The following TAOK3 variants were observed in gnomAD, a reference collection of about 807,000 sequenced individuals.
TAOK3 encodes the protein TAO kinase 3.
Under a neutral mutation model 120.4 loss-of-function variants are expected in TAOK3, and 40 were observed. The observed-to-expected ratio is 0.33, with a 90% CI of 0.26 to 0.43. The LOEUF (loss-of-function observed/expected upper bound fraction) is 0.43, where lower values mean the gene tolerates loss of function less well. TAOK3 is among the 20% of genes least tolerant of loss of function. The pLI is 1.00. For missense variants in TAOK3, 821 were observed against 1,112.1 expected (o/e 0.74, Z 3.72); for synonymous variants, 355 against 387.5 (o/e 0.92, Z 0.99).
intron 1 of TAOK3, among the ~76,000 whole-genome samples, chr12:118,281,466 G>A (rs1240841828): frequency 6.6e-6 from 1 of 152,146 alleles, no homozygotes; most frequent in Non-Finnish European, 1.5e-5. Context: ...AAGGAAACTA[G>A]TTATACTGAA....
intron 14 of TAOK3, among the ~76,000 whole-genome samples, chr12:118,185,826 GT>G (rs1369252338): frequency 6.6e-6 from 1 of 152,116 alleles, no homozygotes; most frequent in Non-Finnish European, 1.5e-5. Context: ...GACCATATGG[GT>G]TGGGCATGTA....
At chr12:118,344,788 T>C (rs1593633238) in intron 1 of TAOK3, among the ~76,000 whole-genome samples, 1 of 152,200 alleles carries the variant, frequency 6.6e-6, no homozygotes, top group East Asian at 1.9e-4. Flanking sequence ...TAATAGTACT[T>C]TATTTTCTGA....
intron 1 of TAOK3, among the ~76,000 whole-genome samples, chr12:118,315,323 T>C (rs1006994197): frequency 1.3e-5 from 2 of 152,246 alleles, no homozygotes; most frequent in Non-Finnish European, 2.9e-5. Flanking sequence ...TGCCATGTTG[T>C]AGTTTAAATC....
chr12:118,239,559 C>A (rs971408058), intron 5 of TAOK3, among the ~76,000 whole-genome samples: 14 of 152,208 alleles, frequency 9.2e-5, no homozygotes, highest in Admixed American at 2.0e-4. Flanking sequence ...TATTTATTAA[C>A]TCCTTCACTA....
chr12:118,355,457 A>G (rs1234598136), intron 1 of TAOK3, among the ~76,000 whole-genome samples: 1 of 152,246 alleles, frequency 6.6e-6, no homozygotes, highest in African/African-American at 2.4e-5. Context: ...GAAATTTGTC[A>G]GATTATATAA....
intron 3 of TAOK3, among the ~76,000 whole-genome samples, chr12:118,247,343 G>C (rs1220636776): frequency 6.6e-6 from 1 of 151,910 alleles, no homozygotes; most frequent in African/African-American, 2.4e-5. Context: ...TTTATCTATA[G>C]AGGTTGCCTT....
intron 19 of TAOK3, among the ~76,000 whole-genome samples, chr12:118,156,940 A>C (rs1353862247): frequency 6.6e-6 from 1 of 152,002 alleles, no homozygotes; most frequent in Non-Finnish European, 1.5e-5. Context: ...GGGTTTTACC[A>C]CACTGGCCAG....
chr12:118,154,455 G>T (rs1288626415), intron 19 of TAOK3, among the ~76,000 whole-genome samples: 2 of 151,984 alleles, frequency 1.3e-5, no homozygotes, highest in East Asian at 1.9e-4. Flanking sequence ...TTTTTTCGTG[G>T]TTTTTGAGAC....
At chr12:118,288,743 C>T (rs1402733151) in intron 1 of TAOK3, among the ~76,000 whole-genome samples, 3 of 151,614 alleles carry the variant, frequency 2.0e-5, no homozygotes, top group Non-Finnish European at 4.4e-5. Context: ...CAGTGAAACC[C>T]TGTCTCTACT....
At chr12:118,151,288 C>T (rs893085678) in intron 20 of TAOK3, 130 bp from the exon 21 acceptor site, 16 of 122,722 alleles carry the variant, frequency 1.3e-4, no homozygotes, top group African/African-American at 6.1e-4. Flanking sequence ...TGCGCGCGCG[C>T]GCACACACAC....
chr12:118,311,475 AAAAG>A (rs1197283322), intron 1 of TAOK3, among the ~76,000 whole-genome samples: 1 of 152,184 alleles, frequency 6.6e-6, no homozygotes, highest in Non-Finnish European at 1.5e-5. Flanking sequence ...AAAAAGAAAA[AAAAG>A]AAAGAGCTCA....
chr12:118,315,579 A>G (rs2043427162), intron 1 of TAOK3, among the ~76,000 whole-genome samples: 1 of 152,192 alleles, frequency 6.6e-6, no homozygotes, highest in Admixed American at 6.5e-5. Context: ...AGAAGTACAA[A>G]GGAGACTCCA....
At chr12:118,214,723 G>A (rs922915175) in intron 9 of TAOK3, among the ~76,000 whole-genome samples, 2 of 148,782 alleles carry the variant, frequency 1.3e-5, no homozygotes, top group Admixed American at 6.8e-5. Flanking sequence ...GCCTGACATC[G>A]TGCATGGCTA....
chr12:118,340,223 T>C (rs1250111268), intron 1 of TAOK3, among the ~76,000 whole-genome samples: 1 of 152,228 alleles, frequency 6.6e-6, no homozygotes, highest in Non-Finnish European at 1.5e-5. Context: ...CAGTTGAATG[T>C]TAACTATAAT....
chr12:118,169,209 T>C (rs1406012873), intron 17 of TAOK3, among the ~76,000 whole-genome samples: 2 of 150,824 alleles, frequency 1.3e-5, no homozygotes, highest in African/African-American at 4.9e-5. Flanking sequence ...AGACAGAGTT[T>C]CACCATGTTG....
chr12:118,273,976 TCTTAA>T (rs374513386), intron 1 of TAOK3, among the ~76,000 whole-genome samples: 136 of 152,256 alleles, frequency 8.9e-4, no homozygotes, highest in African/African-American at 3.1e-3. Flanking sequence ...GCAGGTAAAA[TCTTAA>T]CTTTACAGCA....
At chr12:118,232,193 TTTGTTA>T (rs1325922565) in intron 9 of TAOK3, among the ~76,000 whole-genome samples, 1 of 152,182 alleles carries the variant, frequency 6.6e-6, no homozygotes, top group Non-Finnish European at 1.5e-5. Context: ...AAGAGATTGA[TTTGTTA>T]AATTTACCAG....
chr12:118,209,515 C>A (rs979020294), intron 11 of TAOK3, among the ~76,000 whole-genome samples: 1 of 152,140 alleles, frequency 6.6e-6, no homozygotes, highest in African/African-American at 2.4e-5. Flanking sequence ...TCTCCTGCCT[C>A]AGCCACTCGA....
At chr12:118,286,712 G>C (rs1427976725) in intron 1 of TAOK3, among the ~76,000 whole-genome samples, 1 of 152,172 alleles carries the variant, frequency 6.6e-6, no homozygotes, top group Non-Finnish European at 1.5e-5. Context: ...AGCAATCCTG[G>C]TACTGGTTAT....
Sources: allele counts gnomAD v4.1 joint callset (sites outside exome capture counted in the v4.1 genomes callset), GRCh38; gene constraint gnomAD v4.1.1; transcripts MANE v1.5; gene names NCBI Gene and HGNC (gene_info 2026-07-23, HGNC 2026-07-21).